Variants in MCC observed in about 807,000 individuals in gnomAD.
The protein encoded by MCC is colorectal mutant cancer protein.
Under a neutral mutation model 116.2 loss-of-function variants are expected in MCC, and 90 were observed. The observed-to-expected ratio is 0.77, with a 90% CI of 0.65 to 0.92. The LOEUF (loss-of-function observed/expected upper bound fraction) is 0.92. Ranked by LOEUF, MCC falls within the 40% of genes least tolerant of loss-of-function variation. The pLI is 0.00. For missense variants in MCC, 1,516 were observed against 1,312.2 expected (o/e 1.16, Z -2.40); for synonymous variants, 578 against 510.5 (o/e 1.13, Z -1.78).
intron 1 of MCC, among the ~76,000 whole-genome samples, chr5:113,469,379 T>G (rs1772013252): frequency 1.3e-5 from 2 of 152,234 alleles, no homozygotes; most frequent in African/African-American, 4.8e-5. Context: ...TCTGGTATGT[T>G]GTGTCTTTGT....
intron 1 of MCC, among the ~76,000 whole-genome samples, chr5:113,414,271 A>G (rs1770079743): frequency 2.6e-5 from 4 of 152,218 alleles, no homozygotes; most frequent in Non-Finnish European, 1.5e-5. Flanking sequence ...AGTTCTGTAG[A>G]TGTCTATTAG....
chr5:113,223,590 G>A (rs79919296), intron 3 of MCC, among the ~76,000 whole-genome samples: 1 of 152,190 alleles, frequency 6.6e-6, no homozygotes, highest in Non-Finnish European at 1.5e-5. Context: ...GACTGGAAAG[G>A]AAGAGAGGCT....
At chr5:113,130,593 G>A (rs1000735766) in intron 5 of MCC, among the ~76,000 whole-genome samples, 7 of 152,182 alleles carry the variant, frequency 4.6e-5, no homozygotes, top group African/African-American at 1.7e-4. Flanking sequence ...GGAGTCTAGT[G>A]GGAGGTGTCT....
At chr5:113,269,476 A>T (rs1765534868) in intron 3 of MCC, among the ~76,000 whole-genome samples, 1 of 152,222 alleles carries the variant, frequency 6.6e-6, no homozygotes, top group Admixed American at 6.5e-5. Flanking sequence ...ACAAATGATT[A>T]AATTGTGGTA....
At chr5:113,053,312 C>G (rs1009955221) in intron 15 of MCC, among the ~76,000 whole-genome samples, 3 of 152,296 alleles carry the variant, frequency 2.0e-5, no homozygotes, top group African/African-American at 7.2e-5. Context: ...GAAACTAGGG[C>G]TCTCGGCCAA....
chr5:113,059,508 A>ATGATC (rs1327199392), intron 14 of MCC, among the ~76,000 whole-genome samples: 1 of 152,176 alleles, frequency 6.6e-6, no homozygotes, highest in African/African-American at 2.4e-5. Flanking sequence ...GGAATGCTGG[A>ATGATC]TGATCTCAGT....
intron 1 of MCC, among the ~76,000 whole-genome samples, chr5:113,399,570 CT>C (rs963261685): frequency 3.9e-4 from 59 of 152,076 alleles, no homozygotes; most frequent in African/African-American, 1.2e-3. Context: ...AAAATAGAAG[CT>C]TTTTTCCCCT....
intron 3 of MCC, among the ~76,000 whole-genome samples, chr5:113,285,773 T>C (rs937357916): frequency 6.6e-6 from 1 of 152,326 alleles, no homozygotes; most frequent in East Asian, 1.9e-4. Flanking sequence ...ACTGTCTATG[T>C]ATCTGTGTAG....
chr5:113,432,339 A>AG (rs778460487), intron 1 of MCC, among the ~76,000 whole-genome samples: 3,427 of 145,792 alleles, frequency 0.024, 44 homozygotes, highest in African/African-American at 0.049. Flanking sequence ...AAAAAAAAAA[A>AG]AAAAGAAAAG....
At chr5:113,425,527 G>A (rs1770458265) in intron 1 of MCC, among the ~76,000 whole-genome samples, 1 of 152,170 alleles carries the variant, frequency 6.6e-6, no homozygotes, top group African/African-American at 2.4e-5. Context: ...TGAGACTATT[G>A]ATCTAATCAA....
intron 1 of MCC, among the ~76,000 whole-genome samples, chr5:113,452,792 C>T (rs1771437937): frequency 6.6e-6 from 1 of 152,306 alleles, no homozygotes; most frequent in East Asian, 1.9e-4. Flanking sequence ...GATTTCATTG[C>T]AGGTGCATGC....
At chr5:113,298,428 G>C (rs1470342552) in intron 3 of MCC, among the ~76,000 whole-genome samples, 1 of 152,208 alleles carries the variant, frequency 6.6e-6, no homozygotes, top group African/African-American at 2.4e-5. Flanking sequence ...AAAGAAGGCA[G>C]ATAAATTACC....
intron 6 of MCC, among the ~76,000 whole-genome samples, chr5:113,118,089 C>T (rs149038026): frequency 3.7e-4 from 56 of 152,320 alleles, no homozygotes; most frequent in African/African-American, 1.1e-3. Context: ...TTACCCTCTC[C>T]AAACTTCATT....
intron 2 of MCC, among the ~76,000 whole-genome samples, chr5:113,350,205 G>A (rs895146594): frequency 2.0e-5 from 3 of 151,828 alleles, no homozygotes; most frequent in East Asian, 1.9e-4. Flanking sequence ...TAAAACATAC[G>A]TGAAACCACA....
intron 2 of MCC, among the ~76,000 whole-genome samples, chr5:113,350,374 C>T (rs577724467): frequency 7.1e-4 from 108 of 152,116 alleles, no homozygotes; most frequent in Non-Finnish European, 1.1e-3. Context: ...GAATAGAGAA[C>T]GCAGAAACAA....
At chr5:113,289,610 T>C (rs1766407456) in intron 3 of MCC, among the ~76,000 whole-genome samples, 1 of 152,122 alleles carries the variant, frequency 6.6e-6, no homozygotes, top group Non-Finnish European at 1.5e-5. Context: ...CCAGCTGCCA[T>C]GCTGAGAGGA....
At chr5:113,405,861 T>C (rs1580338327) in intron 1 of MCC, among the ~76,000 whole-genome samples, 2 of 152,084 alleles carry the variant, frequency 1.3e-5, no homozygotes, top group African/African-American at 4.8e-5. Context: ...AAAATACTTA[T>C]TAATATTATT....
At chr5:113,059,327 T>A (rs971845902) in intron 14 of MCC, among the ~76,000 whole-genome samples, 1 of 152,140 alleles carries the variant, frequency 6.6e-6, no homozygotes, top group Non-Finnish European at 1.5e-5. Flanking sequence ...TAATTACAAT[T>A]CTGCTTTGAG....
At chr5:113,067,465 C>A (rs1484642614) in intron 13 of MCC, among the ~76,000 whole-genome samples, 1 of 152,120 alleles carries the variant, frequency 6.6e-6, no homozygotes, top group South Asian at 2.1e-4. Flanking sequence ...CATGGTGAAA[C>A]TGTCTCCACT....
Sources: gnomAD v4.1 joint callset for allele counts (sites outside exome capture counted in the v4.1 genomes callset) on GRCh38, gnomAD v4.1.1 for gene constraint, MANE v1.5 for transcripts, NCBI Gene and HGNC (gene_info 2026-07-23, HGNC 2026-07-21) for gene names.